The following PARD3 variants were observed in gnomAD, a reference collection of about 807,000 sequenced individuals.
PARD3 encodes par-3 family cell polarity regulator, also known as partitioning defective 3 homolog.
PARD3 carries 75 observed loss-of-function variants against 155.4 expected under a neutral mutation model. The ratio of observed to expected loss-of-function variants is 0.48; its 90% CI spans 0.40 to 0.58. The LOEUF (loss-of-function observed/expected upper bound fraction) is 0.58. PARD3 is among the 20% of genes least tolerant of loss of function. The pLI, the probability that PARD3 is intolerant of heterozygous loss-of-function variation, is 0.00. For synonymous variants in PARD3, 576 were observed against 610.5 expected (o/e 0.94, Z 0.83); for missense variants, 1,642 against 1,721.7 (o/e 0.95, Z 0.82).
chr10:34,420,728 A>G (rs1846105060), intron 5 of PARD3, among the ~76,000 whole-genome samples: 1 of 152,230 alleles, frequency 6.6e-6, no homozygotes, highest in Non-Finnish European at 1.5e-5. Context: ...TAGAAGACAA[A>G]GACTACGATG....
intron 22 of PARD3, among the ~76,000 whole-genome samples, chr10:34,243,148 TCTATTTTA>T (rs1416538834): frequency 6.6e-6 from 1 of 152,198 alleles, no homozygotes; most frequent in Non-Finnish European, 1.5e-5. Context: ...CTAAAAATAA[TCTATTTTA>T]CCACTATAAC....
At chr10:34,483,872 C>T (rs1019061972) in intron 3 of PARD3, among the ~76,000 whole-genome samples, 3 of 152,324 alleles carry the variant, frequency 2.0e-5, no homozygotes, top group South Asian at 4.1e-4. Flanking sequence ...AATACAGAGC[C>T]TTGCCTTAGG....
At position 34,348,097 on chromosome 10, in the gene PARD3, G is replaced by T; in HGVS notation, c.2086C>A (p.Pro696Thr). The T allele has an allele frequency of 6.2e-7, 1 of 1,608,858 alleles. No individual in the cohort carries two copies. The highest frequency in any genetic ancestry group is 8.5e-7 in the Non-Finnish European group (1 of 1,177,776). Reference sequence around the variant, plus strand: ...TCAATGGGCAGCTCAGGTCCAGGGGGGCTCCCAGGTGACTTCAGCTACAGA... The same window carrying T: ...TCAATGGGCAGCTCAGGTCCAGGGGTGCTCCCAGGTGACTTCAGCTACAGA... ...KCNELKSPGS[P>T]PGPELPIETA... The change falls in exon 15 of 25, where the codon CCC becomes ACC. Residue 696 changes from proline (P) to threonine (T), a missense_variant. Physicochemically the swap from Pro to Thr is conservative, Grantham distance 38. This residue lies in a region of PARD3 where 1,529 missense variants were observed against 1,587.3 expected (regional missense o/e 0.96). Coordinates refer to ENST00000374788, the MANE Select transcript of PARD3 (RefSeq NM_001184785.2).
chr10:34,437,375 C>A (rs12268031), intron 5 of PARD3, among the ~76,000 whole-genome samples: 11,314 of 152,068 alleles, frequency 0.074, 1,310 homozygotes, highest in African/African-American at 0.25. Context: ...CAAAATAATT[C>A]TCATATCAAA....
intron 1 of PARD3, among the ~76,000 whole-genome samples, chr10:34,744,773 T>G (rs1240094781): frequency 6.6e-6 from 1 of 152,104 alleles, no homozygotes; most frequent in Non-Finnish European, 1.5e-5. Context: ...TGCACAAAAA[T>G]CCAAGATAAG....
At chr10:34,142,097 C>T (rs1948218349) in intron 22 of PARD3, among the ~76,000 whole-genome samples, 1 of 152,186 alleles carries the variant, frequency 6.6e-6, no homozygotes, top group Non-Finnish European at 1.5e-5. Context: ...CCTCAAGACC[C>T]TGTGAGGTAC....
At position 34,269,866 on chromosome 10, in the gene PARD3, T is replaced by C. The variant is rs1321403387; in HGVS notation, c.3210A>G (p.Arg1070=). 51 of 1,613,696 alleles carry C rather than the reference T, an allele frequency of 3.2e-5. No homozygotes were observed. Among genetic ancestry groups the C allele is most frequent in the Non-Finnish European group, 4.0e-5 (47 of 1,179,860 alleles). Residue 1070 remains arginine, a synonymous_variant, in exon 22 of 25, where the codon CGA becomes CGG. Coordinates refer to ENST00000374788, the MANE Select transcript of PARD3 (RefSeq NM_001184785.2). ...IQAKTREFRE[R]QARERDYAEI... ...CAGCATAGTCACGCTCTCGAGCTTGTCGTTCCCTAAATTCTCGAGTTTTGG... is the reference window on the plus strand; with the variant it reads ...CAGCATAGTCACGCTCTCGAGCTTGCCGTTCCCTAAATTCTCGAGTTTTGG...
chr10:34,762,500 G>A (rs752485520), intron 1 of PARD3, among the ~76,000 whole-genome samples: 1 of 142,912 alleles, frequency 7.0e-6, no homozygotes, highest in Non-Finnish European at 1.5e-5. Flanking sequence ...GTAGAGATGG[G>A]GTCCCACTAG....
intron 1 of PARD3, among the ~76,000 whole-genome samples, chr10:34,726,897 C>T (rs1329489074): frequency 1.3e-5 from 2 of 152,186 alleles, no homozygotes; most frequent in East Asian, 3.9e-4. Flanking sequence ...ACCACAGAGC[C>T]CTCTATTGTC....
chr10:34,232,546 T>G (rs1380112915), intron 22 of PARD3, among the ~76,000 whole-genome samples: 1 of 152,110 alleles, frequency 6.6e-6, no homozygotes, highest in Non-Finnish European at 1.5e-5. Context: ...ATGTTCCTCT[T>G]TTATAGAACA....
intron 2 of PARD3, among the ~76,000 whole-genome samples, chr10:34,530,132 T>A (rs1298648367): frequency 1.3e-5 from 2 of 152,164 alleles, no homozygotes. Flanking sequence ...TTGGTCTTGC[T>A]GTCTCAGGGG....
intron 22 of PARD3, among the ~76,000 whole-genome samples, chr10:34,228,843 A>G (rs1010638200): frequency 2.0e-5 from 3 of 152,034 alleles, no homozygotes; most frequent in African/African-American, 7.3e-5. Flanking sequence ...CTGTCCCTTT[A>G]TTACGCACGT....
At chr10:34,593,171 C>G (rs2088886161) in intron 2 of PARD3, among the ~76,000 whole-genome samples, 1 of 152,076 alleles carries the variant, frequency 6.6e-6, no homozygotes, top group South Asian at 2.1e-4. Flanking sequence ...AGGAGAAAAA[C>G]AAAGGATGAG....
At chr10:34,799,925 C>G (rs1842692930) in intron 1 of PARD3, among the ~76,000 whole-genome samples, 1 of 151,810 alleles carries the variant, frequency 6.6e-6, no homozygotes, top group African/African-American at 2.4e-5. Context: ...CCCAGAAGTT[C>G]AAGACCAGCC....
intron 2 of PARD3, among the ~76,000 whole-genome samples, chr10:34,549,727 C>G (rs1006682280): frequency 6.6e-6 from 1 of 152,114 alleles, no homozygotes; most frequent in African/African-American, 2.4e-5. Context: ...CTACTATCCT[C>G]AAACAGGAAT....
rs146004783 is a variant in PARD3, at chr10:34,113,103, A to G, written c.3669-1541T>C. Among the ~76,000 whole-genome samples the G allele has an allele frequency of 2.6e-5, 4 of 152,350 alleles. No homozygotes were observed. In the East Asian group the frequency reaches 7.7e-4, roughly 29 times the overall value. ...CTTTAATTAAAACAAGGAACTTGTG[A>G]CTGATATTACAGCAACAAAAATGGG... On this transcript the variant is annotated intron_variant, in intron 24 of 24. Transcript: ENST00000374788.
chr10:34,185,556 T>C (rs1950448183), intron 22 of PARD3, among the ~76,000 whole-genome samples: 3 of 152,156 alleles, frequency 2.0e-5, no homozygotes, highest in Admixed American at 2.0e-4. Flanking sequence ...CATGGGCTCA[T>C]ATCTCAACAG....
chr10:34,225,610 T>C (rs1398530478), intron 22 of PARD3, among the ~76,000 whole-genome samples: 1 of 152,188 alleles, frequency 6.6e-6, no homozygotes, highest in Admixed American at 6.5e-5. Flanking sequence ...CCTCCTAAAG[T>C]GCTGGGATTA....
At chr10:34,286,300 A>T (rs929265590) in intron 20 of PARD3, among the ~76,000 whole-genome samples, 1 of 152,236 alleles carries the variant, frequency 6.6e-6, no homozygotes, top group Non-Finnish European at 1.5e-5. Flanking sequence ...ATAAACAGTA[A>T]ACAGAGCACA....
Sources: allele counts gnomAD v4.1 joint callset (sites outside exome capture counted in the v4.1 genomes callset), GRCh38; gene constraint gnomAD v4.1.1; regional missense constraint gnomAD v4.1.1; transcripts MANE v1.5; gene names NCBI Gene and HGNC (gene_info 2026-07-23, HGNC 2026-07-21).